The following BCL9L variants were observed in gnomAD, a reference collection of about 807,000 sequenced individuals.
BCL9L encodes BCL9 like.
A neutral mutation model predicts 99.4 loss-of-function variants in BCL9L; 19 were observed. The observed-to-expected ratio is 0.19, with a 90% CI of 0.13 to 0.28. The LOEUF (loss-of-function observed/expected upper bound fraction) is 0.28. BCL9L is among the 10% of genes least tolerant of loss of function. The probability of loss-of-function intolerance (pLI) is 1.00; values close to 1 mark genes in which losing one functional copy is unlikely to be tolerated. For missense variants in BCL9L, 2,023 were observed against 2,101.6 expected, an observed-to-expected ratio of 0.96 and a Z score of 0.73; for synonymous variants, 900 against 854.8, an observed-to-expected ratio of 1.05 and a Z score of -0.92.
At position 118,901,323 on chromosome 11, in the gene BCL9L, A is replaced by G; in HGVS notation, c.2420T>C (p.Met807Thr). ...CTCAGGACTGAGGCCCTGGGGCCCC[A>G]TCAAGTCCCCAGGGCCCCGCATCTT... is the stretch of plus-strand genomic sequence containing the variant. ...SQKMRGPGDLMGPQGLSPEEM... is the reference protein window; with the variant it reads ...SQKMRGPGDLTGPQGLSPEEM... The change falls in exon 8 of 10, where the codon ATG (methionine) becomes ACG (threonine). Residue 807 changes from methionine (M) to threonine (T), a missense_variant. Coordinates refer to ENST00000683865, the MANE Select transcript of BCL9L (RefSeq NM_001378213.1). The surrounding 1 kb of genome is among the most constrained non-coding windows in gnomAD (Gnocchi z 6.6). 2.9e-5 allele frequency: 47 copies of G among 1,613,578 alleles called. No individual in the cohort carries two copies. Among genetic ancestry groups the G allele is most frequent in the Non-Finnish European group, 3.8e-5 (45 of 1,179,890 alleles).
intron 1 of BCL9L, among the ~76,000 whole-genome samples, chr11:118,920,174 C>A (rs529955923): frequency 8.5e-5 from 13 of 152,306 alleles, no homozygotes; most frequent in African/African-American, 3.1e-4. Context: ...AAATGCATTC[C>A]ATTCCCATCC....
At chr11:118,915,290 C>G (rs1180769298) in intron 2 of BCL9L, among the ~76,000 whole-genome samples, 1 of 152,134 alleles carries the variant, frequency 6.6e-6, no homozygotes, top group Non-Finnish European at 1.5e-5. Context: ...GTGAAACTAA[C>G]AGAATGCCTA....
chr11:118,912,137 A>T (rs1167401944), intron 2 of BCL9L, among the ~76,000 whole-genome samples: 1 of 152,124 alleles, frequency 6.6e-6, no homozygotes, highest in Non-Finnish European at 1.5e-5. Flanking sequence ...CCAGCTCCCG[A>T]AGACCCCTCC....
rs145433932 is a variant in BCL9L at position 118,908,600 on chromosome 11, C to T, written c.82G>A (p.Gly28Ser). 1,449 of 1,613,270 alleles carry T rather than the reference C, an allele frequency of 9.0e-4. No individual in the cohort carries two copies. The highest frequency in any genetic ancestry group is 1.2e-3 in the Middle Eastern group (7 of 6,042). ...APGSPPLSPR[G>S]HCPPAPAKPM... Reference sequence around the variant, plus strand: ...TTGGCTGGGGCAGGGGGGCAATGACCGCGGGGGGACAGCGGCGGGCTCCCT... The same window carrying T: ...TTGGCTGGGGCAGGGGGGCAATGACTGCGGGGGGACAGCGGCGGGCTCCCT... Residue 28 changes from glycine (G) to serine (S), a missense_variant, in exon 4 of 10, where the codon GGT becomes AGT. Physicochemically the swap from Gly to Ser is moderately conservative, Grantham distance 56 (BLOSUM62 0). Transcript: ENST00000683865.
At chr11:118,907,710 C>T in intron 4 of BCL9L, 108 bp from the exon 5 acceptor site, 2 of 1,509,280 alleles carry the variant, frequency 1.3e-6, no homozygotes, top group Non-Finnish European at 1.8e-6. Flanking sequence ...CCCTAGAGGG[C>T]ACTGCCCAGG....
intron 2 of BCL9L, among the ~76,000 whole-genome samples, chr11:118,911,100 A>C (rs1940776265): frequency 6.6e-6 from 1 of 152,158 alleles, no homozygotes; most frequent in African/African-American, 2.4e-5. Context: ...GTCACAAAGA[A>C]ACACGCACAG....
intron 1 of BCL9L, among the ~76,000 whole-genome samples, chr11:118,920,329 T>C (rs1941102564): frequency 1.3e-5 from 2 of 152,102 alleles, no homozygotes; most frequent in African/African-American, 4.8e-5. Context: ...TAGAATACTG[T>C]CTAAGTGCAG....
At chr11:118,918,424 G>A (rs1941037132) in intron 2 of BCL9L, among the ~76,000 whole-genome samples, 1 of 152,090 alleles carries the variant, frequency 6.6e-6, no homozygotes, top group Non-Finnish European at 1.5e-5. Context: ...GCGAGGAGGA[G>A]CAAGGACTTG....
Position 118,898,548 on chromosome 11 carries a change from T to C in BCL9L, c.4367A>G (p.Gln1456Arg). Residue 1456 changes from glutamine (Q) to arginine (R), a missense_variant, in exon 10 of 10, where the codon CAG (glutamine) becomes CGG (arginine). Around this residue, in one of 3 missense-constraint regions of BCL9L, gnomAD observed 902 missense variants for 888.2 expected, o/e 1.02. Transcript: ENST00000683865. ...GGGCGGGGGGCCCATGAGGGAGCCCTGCGGGGAGAGCATGTGGGGCGGCTG... is the reference window on the plus strand; with the variant it reads ...GGGCGGGGGGCCCATGAGGGAGCCCCGCGGGGAGAGCATGTGGGGCGGCTG... ...YSQPPHMLSP[Q>R]GSLMGPPPQQ... 6.2e-7 allele frequency: 1 copy of C among 1,606,034 alleles called. No individual in the cohort carries two copies.
Position 118,901,114 on chromosome 11 carries a change from T to A in BCL9L, c.2629A>T (p.Met877Leu). The A allele has an allele frequency of 6.2e-7, 1 of 1,611,498 alleles. No homozygotes were observed. Among genetic ancestry groups the A allele is most frequent in the Non-Finnish European group, 8.5e-7 (1 of 1,178,224 alleles). ...QDMFSPDQSS[M>L]PMSNVGTTRL... Reference sequence around the variant, plus strand: ...GTGGTGCCCACGTTGCTCATGGGCATTGAGCTCTGATCAGGGCTGAACATG... The same window carrying A: ...GTGGTGCCCACGTTGCTCATGGGCAATGAGCTCTGATCAGGGCTGAACATG... Residue 877 changes from methionine (M) to leucine (L), a missense_variant, in exon 8 of 10, where the codon ATG becomes TTG. Physicochemically the swap from Met to Leu is conservative, Grantham distance 15. Around this residue, in one of 3 missense-constraint regions of BCL9L, gnomAD observed 902 missense variants for 888.2 expected, o/e 1.02. Coordinates refer to ENST00000683865, the MANE Select transcript of BCL9L (RefSeq NM_001378213.1). The surrounding 1 kb of genome is among the most constrained non-coding windows in gnomAD (Gnocchi z 6.6).
chr11:118,899,808 C>T lies in BCL9L; in HGVS notation c.3406+109G>A. The T allele has an allele frequency of 3.5e-6, 5 of 1,422,598 alleles. No individual in the cohort carries two copies. In the South Asian group the frequency reaches 6.9e-5, roughly 20 times the overall value. 88.1% of individuals were successfully genotyped at this position (1,422,598 alleles called of 1,614,324 possible). A position where few individuals can be genotyped will look rare whatever the true frequency, so the allele number is the denominator to read the frequency against. ...CAGCATCCCGGAGCCTCCACCCCCA[C>T]ACCCAGGGCCTTCAGAGGCACAAAA... On this transcript the variant is annotated intron_variant, in intron 9 of 9. Transcript: ENST00000683865.
rs1329437931 is a variant in BCL9L at position 118,921,891 on chromosome 11, G to A, written c.-130-3012C>T. ...GTGGGTGGAAAGCTAAGGGGTCACA[G>A]GGGATGGGGAGATGGCAAGGGCCTG... On this transcript the variant is annotated intron_variant, in intron 1 of 9. Transcript: ENST00000683865. This position sits in a 1 kb window ranked among gnomAD's most constrained non-coding sequence, Gnocchi z 5.4. 6.6e-6 allele frequency among the ~76,000 whole-genome samples: 1 copy of A among 152,136 alleles called. No homozygotes were observed. Among genetic ancestry groups the A allele is most frequent in the Non-Finnish European group, 1.5e-5 (1 of 68,016 alleles).
intron 2 of BCL9L, among the ~76,000 whole-genome samples, chr11:118,916,605 G>A (rs1044640674): frequency 3.9e-5 from 6 of 152,224 alleles, no homozygotes; most frequent in African/African-American, 4.8e-5. Context: ...TCCCTTGGAC[G>A]CTGTAGATGC....
chr11:118,919,640 C>G (rs528569021), intron 1 of BCL9L, among the ~76,000 whole-genome samples: 41 of 152,102 alleles, frequency 2.7e-4, no homozygotes, highest in Non-Finnish European at 5.0e-4. Context: ...TCTCACTGCA[C>G]TGGGCGGGGG....
chr11:118,909,974 C>T lies in BCL9L; in HGVS notation c.-35G>A. On this transcript the variant is annotated 5_prime_UTR_variant, in exon 3 of 10. Coordinates refer to ENST00000683865, the MANE Select transcript of BCL9L (RefSeq NM_001378213.1). The stretch of plus-strand genomic sequence containing the variant: ...ACACAGTGGGGCTACGGCCCCTGTG[C>T]GTGCCCAGGGCCCAGCCAGGTACTC... 6.2e-7 allele frequency: 1 copy of T among 1,613,770 alleles called. No homozygotes were observed. The highest frequency in any genetic ancestry group is 1.1e-5 in the South Asian group (1 of 91,076).
rs1339569621 is a variant in BCL9L at position 118,921,328 on chromosome 11, AC to A, written c.-130-2450del. Among the ~76,000 whole-genome samples, 1 of 152,176 alleles carries A rather than the reference AC, an allele frequency of 6.6e-6. No individual in the cohort carries two copies. Among genetic ancestry groups the A allele is most frequent in the African/African-American group, 2.4e-5 (1 of 41,418 alleles). On this transcript the variant is annotated intron_variant, in intron 1 of 9. Transcript: ENST00000683865. This position sits in a 1 kb window ranked among gnomAD's most constrained non-coding sequence, Gnocchi z 5.4. ...CATGTGCTAGCACACAAACTCAGAC[AC>A]ACAAACTTGCAGCGCAGAGTGTGTG...
At position 118,907,573 on chromosome 11, in the gene BCL9L, C is replaced by T. The variant is rs746241129; in HGVS notation, c.442G>A (p.Val148Met). 2 of 1,613,918 alleles carry T rather than the reference C, an allele frequency of 1.2e-6. No homozygotes were observed. The highest frequency in any genetic ancestry group is 1.1e-5 in the South Asian group (1 of 91,090). The change falls in exon 5 of 10, where the codon GTG becomes ATG. Residue 148 changes from valine (V) to methionine (M), a missense_variant. Physicochemically the swap from Val to Met is conservative, Grantham distance 21. Around this residue, in one of 3 missense-constraint regions of BCL9L, gnomAD observed 1,116 missense variants for 1,194.6 expected, o/e 0.93. Transcript: ENST00000683865. ...EVAPRSKRRCVLERKQPYSGD... is the reference protein window; with the variant it reads ...EVAPRSKRRCMLERKQPYSGD... ...CTGTACGGCTGCTTCCGCTCCAGCA[C>T]ACAGCGCCGCTTACTCCGCGGCGCC...
Position 118,901,187 on chromosome 11 carries a change from G to A in BCL9L, c.2556C>T (p.Gly852=). The change falls in exon 8 of 10, where the codon GGC becomes GGT. Residue 852 remains glycine (G), a synonymous_variant. Transcript: ENST00000683865. This position sits in a 1 kb window ranked among gnomAD's most constrained non-coding sequence, Gnocchi z 6.6. ...GGGACATGGCTTGGTAGGGTCCCTG[G>A]CCTCCAGAGAATCCCTGCTGGCCCT... The part of the protein sequence containing the change: ...PNQGQQGFSG[G]QGPYQAMSQD... 6.2e-7 allele frequency: 1 copy of A among 1,614,046 alleles called. No individual in the cohort carries two copies. Among genetic ancestry groups the A allele is most frequent in the Non-Finnish European group, 8.5e-7 (1 of 1,179,968 alleles).
chr11:118,902,956 C>A lies in BCL9L; in HGVS notation c.834+34G>T. On this transcript the variant is annotated intron_variant, in intron 7 of 9. Coordinates refer to ENST00000683865, the MANE Select transcript of BCL9L (RefSeq NM_001378213.1). The surrounding 1 kb of genome is among the most constrained non-coding windows in gnomAD (Gnocchi z 7.8). ...TGAGACAGGTAAGGGGACGTTCCAC[C>A]CAGTCCTGCTGCTCACAGAGGCGCC... The A allele has an allele frequency of 6.3e-7, 1 of 1,595,400 alleles. No homozygotes were observed. The highest frequency in any genetic ancestry group is 8.5e-7 in the Non-Finnish European group (1 of 1,176,066).
Sources: allele counts gnomAD v4.1 joint callset (sites outside exome capture counted in the v4.1 genomes callset), GRCh38; gene constraint gnomAD v4.1.1; regional missense constraint gnomAD v4.1.1; non-coding constraint Gnocchi (gnomAD v3.1); transcripts MANE v1.5; gene names NCBI Gene and HGNC (gene_info 2026-07-23, HGNC 2026-07-21).